The following MFN1 variants were observed in gnomAD, a reference collection of about 807,000 sequenced individuals.
The protein encoded by MFN1 is mitofusin 1, also known as mitofusin-1.
A neutral mutation model predicts 92.4 loss-of-function variants in MFN1; 65 were observed. The ratio of observed to expected loss-of-function variants is 0.70; its 90% CI spans 0.58 to 0.86. The LOEUF is 0.86. Among genes scored for constraint, MFN1 ranks in the 40% least tolerant of loss-of-function variants. The pLI is 0.00. For missense variants in MFN1, 781 were observed against 868.0 expected, an observed-to-expected ratio of 0.90 and a Z score of 1.26; for synonymous variants, 297 against 300.9, an observed-to-expected ratio of 0.99 and a Z score of 0.13.
At chr3:179,364,456 T>C (rs1178221210) in intron 6 of MFN1, 51 bp downstream of exon 6, 3 of 1,360,340 alleles carry the variant, frequency 2.2e-6, no homozygotes, top group Non-Finnish European at 3.1e-6. Flanking sequence ...TGAAATGGTA[T>C]CTGTTTTAAT....
rs779850708 is a variant in MFN1, at chr3:179,365,109, G to A, written c.646-9G>A. 34 of 1,489,806 alleles carry A rather than the reference G, an allele frequency of 2.3e-5. No individual in the cohort carries two copies. In the East Asian group the frequency reaches 7.4e-4, roughly 32 times the overall value. The allele number at this position is 1,489,806 out of a possible 1,614,324, so 92.3% of individuals were successfully genotyped here. On this transcript the variant is annotated splice_polypyrimidine_tract_variant and intron_variant, in intron 6 of 17. Transcript: ENST00000471841. The stretch of plus-strand genomic sequence containing the variant: ...GTGAATGTACTGTGGGGTTTTTTTT[G>A]TTTTTCAGGAAAAACACTTTTTTCA...
Position 179,385,605 on chromosome 3 carries a change from A to G in MFN1, c.1699A>G (p.Thr567Ala). 3 of 1,612,014 alleles carry G rather than the reference A, an allele frequency of 1.9e-6. No homozygotes were observed. The highest frequency in any genetic ancestry group is 8.5e-7 in the Non-Finnish European group (1 of 1,179,736). ...RSLASTPTAPTTPATPDNASQ... is the reference protein window; with the variant it reads ...RSLASTPTAPATPATPDNASQ... ...TTTAGCTTCTACTCCCACTGCTCCT[A>G]CCACTCCAGCAACGCCAGATAATGC... Residue 567 changes from threonine (T) to alanine (A), a missense_variant, in exon 15 of 18, where the codon ACC becomes GCC. Coordinates refer to ENST00000471841, the MANE Select transcript of MFN1 (RefSeq NM_033540.3).
chr3:179,380,603 G>A lies in MFN1; in HGVS notation c.1662+1789G>A, dbSNP rs188810762. 2.8e-4 allele frequency among the ~76,000 whole-genome samples: 42 copies of A among 152,268 alleles called. No homozygotes were observed. In the East Asian group the frequency reaches 6.2e-3, roughly 22 times the overall value. ...TTCCTTGACAACTATTCTGCTCATCGTCTAGCTGAAATTCTTATTAAAAAA... is the reference window on the plus strand; with the variant it reads ...TTCCTTGACAACTATTCTGCTCATCATCTAGCTGAAATTCTTATTAAAAAA... On this transcript the variant is annotated intron_variant, in intron 14 of 17. Coordinates refer to ENST00000471841, the MANE Select transcript of MFN1 (RefSeq NM_033540.3).
intron 11 of MFN1, 64 bp from the exon 12 acceptor site, chr3:179,377,280 A>G: frequency 1.3e-6 from 2 of 1,518,594 alleles, no homozygotes; most frequent in Non-Finnish European, 1.8e-6. Context: ...TTTTCAATTT[A>G]ATTTTTTTGA....
chr3:179,380,995 T>C (rs1713444104), intron 14 of MFN1, among the ~76,000 whole-genome samples: 1 of 152,212 alleles, frequency 6.6e-6, no homozygotes, highest in South Asian at 2.1e-4. Flanking sequence ...AAGAAGGATA[T>C]ATCAAAGAAG....
rs143669422 is a variant in MFN1 at position 179,367,934 on chromosome 3, G to GTATATA, written c.908-88_908-83dup. 161 of 410,560 alleles carry GTATATA rather than the reference G, an allele frequency of 3.9e-4. No homozygotes were observed. The Middle Eastern group carries it at 4.2e-3, about 11-fold the overall frequency. 25.4% of individuals were successfully genotyped at this position (410,560 alleles called of 1,614,324 possible). ...GCAAGACTCTGTCTCGGGGGAAAAAGTATATATATATATATATATTTAAAA... is the reference window on the plus strand; with the variant it reads ...GCAAGACTCTGTCTCGGGGGAAAAAGTATATATATATATATATATATATATTTAAAA... On this transcript the variant is annotated intron_variant, in intron 8 of 17. Coordinates refer to ENST00000471841, the MANE Select transcript of MFN1 (RefSeq NM_033540.3).
intron 9 of MFN1, among the ~76,000 whole-genome samples, chr3:179,373,595 T>A (rs950641436): frequency 6.6e-6 from 1 of 152,206 alleles, no homozygotes; most frequent in Admixed American, 6.5e-5. Context: ...CTTACTGTGC[T>A]ATATTTCAGT....
At position 179,358,857 on chromosome 3, in the gene MFN1, G is replaced by A; in HGVS notation, c.266G>A (p.Ser89Asn). 2 of 1,612,916 alleles carry A rather than the reference G, an allele frequency of 1.2e-6. No individual in the cohort carries two copies. Among genetic ancestry groups the A allele is most frequent in the Non-Finnish European group, 1.7e-6 (2 of 1,179,620 alleles). The change falls in exon 4 of 18, where the codon AGC becomes AAC. Residue 89 changes from serine to asparagine, a missense_variant. Physicochemically the swap from Ser to Asn is conservative, Grantham distance 46 (BLOSUM62 1). Transcript: ENST00000471841. ...AFFGRTSSGK[S>N]SVINAMLWDK... ...TTCTTCAGGACAAGCAGTGGGAAGA[G>A]CTCTGTTATCAATGCAATGTTGTGG...
At chr3:179,372,983 C>T (rs746104788) in intron 9 of MFN1, among the ~76,000 whole-genome samples, 2 of 151,942 alleles carry the variant, frequency 1.3e-5, no homozygotes, top group East Asian at 1.9e-4. Flanking sequence ...AGAAAACATC[C>T]GGGTATGTTT....
intron 3 of MFN1, among the ~76,000 whole-genome samples, chr3:179,354,829 T>A (rs1234261159): frequency 6.6e-6 from 1 of 152,078 alleles, no homozygotes; most frequent in Non-Finnish European, 1.5e-5. Context: ...AATTTCACTC[T>A]TGTCACCCAG....
In MFN1 at chr3:179,364,402, T is replaced by C. The variant is rs370675854; in HGVS notation, c.642T>C (p.Asn214=). The change falls in exon 6 of 18, where the codon AAT becomes AAC. Residue 214 remains asparagine, a synonymous_variant. Coordinates refer to ENST00000471841, the MANE Select transcript of MFN1 (RefSeq NM_033540.3). ...CAAACTCTGAATCAACACTAATGAA[T>C]ACGGTAGGATTTAATCATATTATTG... ...LVANSESTLM[N]TEKHFFHKVN... The C allele has an allele frequency of 2.5e-6, 4 of 1,593,514 alleles. No individual in the cohort carries two copies. Among genetic ancestry groups the C allele is most frequent in the Non-Finnish European group, 2.6e-6 (3 of 1,161,660 alleles).
chr3:179,393,680 TAAC>T lies in MFN1; in HGVS notation c.*1625_*1627del, dbSNP rs763394348. 5 of 152,204 alleles carry T rather than the reference TAAC, an allele frequency of 3.3e-5. No individual in the cohort carries two copies. Among genetic ancestry groups the T allele is most frequent in the Non-Finnish European group, 7.4e-5 (5 of 68,026 alleles). The allele number at this position is 152,204 out of a possible 1,614,324, so 9.4% of individuals were successfully genotyped here. A position where few individuals can be genotyped will look rare whatever the true frequency, so the allele number is the denominator to read the frequency against. On this transcript the variant is annotated 3_prime_UTR_variant, in exon 18 of 18. Transcript: ENST00000471841. Reference sequence around the variant, plus strand: ...ACAGACCACAGTAAGTGGGATTAGGTAACAACTACAACATGGAAAAACAGTGTC... The same window carrying T: ...ACAGACCACAGTAAGTGGGATTAGGTAACTACAACATGGAAAAACAGTGTC...
chr3:179,379,744 A>C (rs7617958), intron 14 of MFN1, among the ~76,000 whole-genome samples: 7,912 of 152,262 alleles, frequency 0.052, 658 homozygotes, highest in African/African-American at 0.18. Flanking sequence ...ATAACACATA[A>C]ATTTAAGCTG....
chr3:179,364,820 G>A (rs928476473), intron 6 of MFN1, among the ~76,000 whole-genome samples: 2 of 152,138 alleles, frequency 1.3e-5, no homozygotes, highest in South Asian at 2.1e-4. Context: ...GCTTAACTGT[G>A]TACACTTTAA....
At chr3:179,363,766 G>A (rs1252090956) in intron 5 of MFN1, among the ~76,000 whole-genome samples, 2 of 152,030 alleles carry the variant, frequency 1.3e-5, no homozygotes, top group South Asian at 2.1e-4. Flanking sequence ...TAGGATTATA[G>A]GAATATGCCA....
chr3:179,394,351 T>TCAATTGTGAAAACATAATGAATG lies in MFN1; in HGVS notation c.*2293_*2315dup, dbSNP rs1714012335. 6.6e-6 allele frequency: 1 copy of TCAATTGTGAAAACATAATGAATG among 151,140 alleles called. No homozygotes were observed. Among genetic ancestry groups the TCAATTGTGAAAACATAATGAATG allele is most frequent in the African/African-American group, 2.4e-5 (1 of 41,120 alleles). The allele number at this position is 151,140 out of a possible 1,614,324, so 9.4% of individuals were successfully genotyped here. ...TCACTTGTTTTATGTAGTTGTCTGATCAATTGTGAAAACATAATGAATGTT... is the reference window on the plus strand; with the variant it reads ...TCACTTGTTTTATGTAGTTGTCTGATCAATTGTGAAAACATAATGAATGCAATTGTGAAAACATAATGAATGTT... On this transcript the variant is annotated 3_prime_UTR_variant, in exon 18 of 18. Coordinates refer to ENST00000471841, the MANE Select transcript of MFN1 (RefSeq NM_033540.3).
chr3:179,362,113 T>G (rs1712603938), intron 4 of MFN1, among the ~76,000 whole-genome samples: 1 of 152,238 alleles, frequency 6.6e-6, no homozygotes, highest in African/African-American at 2.4e-5. Context: ...AGAACTTATA[T>G]ACTTCACAAA....
rs754556529 is a variant in MFN1, at chr3:179,367,423, A to G, written c.754-16A>G. On this transcript the variant is annotated splice_polypyrimidine_tract_variant and intron_variant, in intron 7 of 17. Coordinates refer to ENST00000471841, the MANE Select transcript of MFN1 (RefSeq NM_033540.3). ...TTTAAATTATTAGAATTCTTTTAAT[A>G]CCGTTTTCTCTGTAGGTACGCAGAC... 28 of 1,591,610 alleles carry G rather than the reference A, an allele frequency of 1.8e-5. No homozygotes were observed. The highest frequency in any genetic ancestry group is 8.5e-7 in the Non-Finnish European group (1 of 1,172,684).
chr3:179,370,519 C>G (rs1416250530), intron 9 of MFN1, among the ~76,000 whole-genome samples: 1 of 150,238 alleles, frequency 6.7e-6, no homozygotes, highest in Non-Finnish European at 1.5e-5. Context: ...TCAAGGGACT[C>G]TTCTGCCTCA....
Sources: gnomAD v4.1 joint callset for allele counts (sites outside exome capture counted in the v4.1 genomes callset) on GRCh38, gnomAD v4.1.1 for gene constraint, MANE v1.5 for transcripts, NCBI Gene and HGNC (gene_info 2026-07-23, HGNC 2026-07-21) for gene names.